The following SLC44A5 variants were observed in gnomAD, a reference collection of about 807,000 sequenced individuals.
SLC44A5 encodes choline transporter-like protein 5.
In SLC44A5, 57 loss-of-function variants were observed where a neutral mutation model predicts 101.8. The observed-to-expected ratio is 0.56, with a 90% CI of 0.45 to 0.70. The LOEUF is 0.70. Among genes scored for constraint, SLC44A5 ranks in the 30% least tolerant of loss-of-function variants. The pLI is 0.00. For synonymous variants in SLC44A5, 281 were observed against 290.9 expected, an observed-to-expected ratio of 0.97 and a Z score of 0.35; for missense variants, 737 against 853.1, an observed-to-expected ratio of 0.86 and a Z score of 1.70.
chr1:75,580,966 G>T (rs1473946906), intron 1 of SLC44A5, among the ~76,000 whole-genome samples: 2 of 152,096 alleles, frequency 1.3e-5, no homozygotes, highest in East Asian at 3.8e-4. Flanking sequence ...TGCCTGTGGA[G>T]AAGAAAGATA....
rs1646693710 is a variant in SLC44A5, at chr1:75,203,307, A to C, written c.*420T>G. 6.6e-6 allele frequency: 1 copy of C among 152,636 alleles called. No individual in the cohort carries two copies. The highest frequency in any genetic ancestry group is 1.5e-5 in the Non-Finnish European group (1 of 68,382). The allele number at this position is 152,636 out of a possible 1,614,324, so 9.5% of individuals were successfully genotyped here. On this transcript the variant is annotated 3_prime_UTR_variant, in exon 24 of 24. Transcript: ENST00000370859. ...CCAACGAGAGTGGGAAAAACTTTAAAATTTTTAATTTCACTTTGCTGACCA... is the reference window on the plus strand; with the variant it reads ...CCAACGAGAGTGGGAAAAACTTTAACATTTTTAATTTCACTTTGCTGACCA...
chr1:75,486,748 T>C (rs950361475), intron 2 of SLC44A5, among the ~76,000 whole-genome samples: 1 of 152,228 alleles, frequency 6.6e-6, no homozygotes, highest in South Asian at 2.1e-4. Context: ...TTTGACTCCA[T>C]GCCTCACATC....
chr1:75,676,251 G>A, the SLC44A5 span, among the ~76,000 whole-genome samples: 1 of 152,170 alleles, frequency 6.6e-6, no homozygotes, highest in Non-Finnish European at 1.5e-5. Context: ...GCACACATAT[G>A]TTCATTGCAG....
At chr1:75,646,842 C>T in the SLC44A5 span, among the ~76,000 whole-genome samples, 1 of 152,140 alleles carries the variant, frequency 6.6e-6, no homozygotes, top group African/African-American at 2.4e-5. Flanking sequence ...TTTAGGGTAG[C>T]TGGCAGAAGA....
chr1:75,215,764 G>T lies in SLC44A5; in HGVS notation c.1718C>A (p.Ala573Asp). ...AAATAATCTACCTACCATAATATAG[G>T]CATTTCTGTTTAAAAACTTTATTGC... ...ENAIKFLNRN[A>D]YIMIAIYGRN... Residue 573 changes from alanine to aspartate, a missense_variant, in exon 19 of 24, where the codon GCC (alanine) becomes GAC (aspartate). Ala to Asp is a moderately radical substitution (Grantham distance 126). Coordinates refer to ENST00000370859, the MANE Select transcript of SLC44A5 (RefSeq NM_001130058.2). 1 of 1,582,860 alleles carries T rather than the reference G, an allele frequency of 6.3e-7. No individual in the cohort carries two copies.
chr1:75,688,482 G>T, the SLC44A5 span, among the ~76,000 whole-genome samples: 1 of 141,454 alleles, frequency 7.1e-6, no homozygotes, highest in African/African-American at 2.5e-5. Context: ...TCCTTTCGAG[G>T]TCCTTCTTTA....
chr1:75,539,191 T>C (rs758894070), intron 2 of SLC44A5, among the ~76,000 whole-genome samples: 4 of 152,204 alleles, frequency 2.6e-5, no homozygotes, highest in Non-Finnish European at 5.9e-5. Flanking sequence ...ACCTCTAATC[T>C]CTACTTTAGT....
intron 12 of SLC44A5, among the ~76,000 whole-genome samples, chr1:75,233,211 A>G (rs1323808856): frequency 1.3e-5 from 2 of 152,128 alleles, no homozygotes; most frequent in Admixed American, 6.6e-5. Flanking sequence ...GATTTTAAAA[A>G]TTGTATTTGT....
At chr1:75,637,049 C>T in the SLC44A5 span, among the ~76,000 whole-genome samples, 1 of 151,860 alleles carries the variant, frequency 6.6e-6, no homozygotes. Flanking sequence ...AAAGAGTTCT[C>T]GAAATATGGC....
At chr1:75,483,255 G>A (rs1355426595) in intron 2 of SLC44A5, among the ~76,000 whole-genome samples, 1 of 152,196 alleles carries the variant, frequency 6.6e-6, no homozygotes, top group African/African-American at 2.4e-5. Context: ...ATCCTTAGAT[G>A]TGGTAAAGAG....
At chr1:75,589,865 A>C (rs771899066) in intron 1 of SLC44A5, among the ~76,000 whole-genome samples, 2 of 152,120 alleles carry the variant, frequency 1.3e-5, no homozygotes, top group Non-Finnish European at 1.5e-5. Flanking sequence ...AGAGCATTTA[A>C]ACTAGCCCTA....
chr1:75,244,148 C>T (rs551241046), intron 7 of SLC44A5, among the ~76,000 whole-genome samples: 6 of 152,114 alleles, frequency 3.9e-5, no homozygotes, highest in African/African-American at 9.6e-5. Context: ...AATTACCCAG[C>T]GTCAGGTATT....
At chr1:75,231,711 A>G (rs562827436) in intron 12 of SLC44A5, among the ~76,000 whole-genome samples, 1 of 152,278 alleles carries the variant, frequency 6.6e-6, no homozygotes, top group East Asian at 1.9e-4. Flanking sequence ...TGAGAAACCT[A>G]TGAATTAAAG....
chr1:75,371,994 C>T (rs1485522734), intron 3 of SLC44A5, among the ~76,000 whole-genome samples: 4 of 152,118 alleles, frequency 2.6e-5, no homozygotes, highest in Non-Finnish European at 4.4e-5. Context: ...GGCAGGAGTT[C>T]AAGACCAGCC....
the SLC44A5 span, among the ~76,000 whole-genome samples, chr1:75,684,705 C>T: frequency 1.3e-5 from 2 of 152,168 alleles, no homozygotes; most frequent in Admixed American, 6.5e-5. Flanking sequence ...TGGGCAGCTC[C>T]GCCCCTGTGG....
intron 2 of SLC44A5, among the ~76,000 whole-genome samples, chr1:75,513,329 T>G (rs976830076): frequency 6.6e-6 from 1 of 152,240 alleles, no homozygotes; most frequent in African/African-American, 2.4e-5. Flanking sequence ...TCATGTTTAT[T>G]ACAATGCAGT....
upstream of SLC44A5, among the ~76,000 whole-genome samples, chr1:75,613,105 A>G (rs116490540): frequency 3.1e-3 from 466 of 152,330 alleles, 3 homozygotes; most frequent in African/African-American, 0.011. Flanking sequence ...TCTTGCTAGG[A>G]CTTCAGAAGC....
chr1:75,637,069 T>G, the SLC44A5 span, among the ~76,000 whole-genome samples: 1 of 152,058 alleles, frequency 6.6e-6, no homozygotes, highest in African/African-American at 2.4e-5. Flanking sequence ...CTAGCATAAC[T>G]AAGGGACTGA....
At chr1:75,683,706 T>C in the SLC44A5 span, among the ~76,000 whole-genome samples, 10 of 151,924 alleles carry the variant, frequency 6.6e-5, no homozygotes, top group African/African-American at 2.4e-4. Flanking sequence ...TGTATACGTA[T>C]GTAACTAACC....
Sources: gnomAD v4.1 joint callset for allele counts (sites outside exome capture counted in the v4.1 genomes callset) on GRCh38, gnomAD v4.1.1 for gene constraint, MANE v1.5 for transcripts, NCBI Gene and HGNC (gene_info 2026-07-23, HGNC 2026-07-21) for gene names.